Variants in PDE10A observed in about 807,000 individuals in gnomAD.
The protein encoded by PDE10A is phosphodiesterase 10A, also known as cAMP and cAMP-inhibited cGMP 3',5'-cyclic phosphodiesterase 10A.
PDE10A carries 39 observed loss-of-function variants against 97.7 expected under a neutral mutation model. That is an observed-to-expected ratio of 0.40 (90% CI 0.31 to 0.52). PDE10A has a LOEUF of 0.52. PDE10A is among the 20% of genes least tolerant of loss of function. PDE10A has a pLI of 0.56. For synonymous variants in PDE10A, 371 were observed against 376.8 expected, an observed-to-expected ratio of 0.98 and a Z score of 0.18; for missense variants, 731 against 1,047.8, an observed-to-expected ratio of 0.70 and a Z score of 4.17.
At chr6:165,370,048 C>T (rs936129590) in intron 18 of PDE10A, among the ~76,000 whole-genome samples, 6 of 152,030 alleles carry the variant, frequency 3.9e-5, no homozygotes, top group Admixed American at 2.0e-4. Context: ...CTGTTACCAC[C>T]AGGCCTGCCT....
chr6:165,808,103 C>T lies in PDE10A; in HGVS notation c.-615+179426G>A, dbSNP rs1779186649. On this transcript the variant is annotated intron_variant, in intron 1 of 19. Coordinates refer to the PDE10A transcript ENST00000366882. Reference sequence around the variant, plus strand: ...CTGCTTCTGTTTTCTCTTTCTCCTCCTTCCTTTGGAGTTGCATCGTGGGAC... The same window carrying T: ...CTGCTTCTGTTTTCTCTTTCTCCTCTTTCCTTTGGAGTTGCATCGTGGGAC... Among the ~76,000 whole-genome samples, 3 of 152,314 alleles carry T rather than the reference C, an allele frequency of 2.0e-5. No individual in the cohort carries two copies. The South Asian group carries it at 6.2e-4, about 32-fold the overall frequency.
intron 2 of PDE10A, among the ~76,000 whole-genome samples, chr6:165,500,950 TTAAC>T (rs1780838717): frequency 6.6e-6 from 1 of 152,032 alleles, no homozygotes; most frequent in African/African-American, 2.4e-5. Flanking sequence ...CACCTTTTCT[TTAAC>T]TTATTTATGA....
intron 1 of PDE10A, among the ~76,000 whole-genome samples, chr6:165,598,420 C>A (rs1334407921): frequency 6.6e-6 from 1 of 152,186 alleles, no homozygotes; most frequent in Non-Finnish European, 1.5e-5. Context: ...TTTAGCAAAA[C>A]TGTCTTTAAA....
At chr6:165,799,944 C>T (rs1778939847) in intron 1 of PDE10A, among the ~76,000 whole-genome samples, 1 of 152,154 alleles carries the variant, frequency 6.6e-6, no homozygotes, top group Non-Finnish European at 1.5e-5. Flanking sequence ...CTGCAGCTCC[C>T]CTGGGACGTC....
At chr6:165,922,235 G>A (rs75340726) in intron 1 of PDE10A, among the ~76,000 whole-genome samples, 8,133 of 152,228 alleles carry the variant, frequency 0.053, 264 homozygotes, top group Middle Eastern at 0.088. Context: ...ATCATTGAGT[G>A]AGTTTGGTCT....
intron 7 of PDE10A, among the ~76,000 whole-genome samples, chr6:165,432,569 A>G (rs1789673615): frequency 6.6e-6 from 1 of 152,176 alleles, no homozygotes; most frequent in African/African-American, 2.4e-5. Flanking sequence ...GAGCCTATTG[A>G]GTGAATAGTG....
chr6:165,595,191 C>A (rs372000465), intron 1 of PDE10A, among the ~76,000 whole-genome samples: 134 of 152,310 alleles, frequency 8.8e-4, no homozygotes, highest in African/African-American at 3.0e-3. Context: ...CCCTGCAGCT[C>A]ACCTGCCGTA....
chr6:165,716,056 C>G (rs1434434797), intron 1 of PDE10A, among the ~76,000 whole-genome samples: 2 of 152,166 alleles, frequency 1.3e-5, no homozygotes, highest in Admixed American at 6.5e-5. Context: ...CGGAGCTGTT[C>G]TGAGAGAAAG....
upstream of PDE10A, among the ~76,000 whole-genome samples, chr6:165,664,110 C>T (rs1258127227): frequency 1.3e-5 from 2 of 152,152 alleles, no homozygotes; most frequent in Non-Finnish European, 2.9e-5. Flanking sequence ...GTCACCTTCC[C>T]CGGAGTGGAG....
At chr6:165,436,985 T>C (rs1383961927) in intron 5 of PDE10A, among the ~76,000 whole-genome samples, 1 of 152,178 alleles carries the variant, frequency 6.6e-6, no homozygotes, top group African/African-American at 2.4e-5. Context: ...AAAATTGGAA[T>C]TGACAACGAT....
At chr6:165,761,601 G>A (rs2128458082) in intron 1 of PDE10A, among the ~76,000 whole-genome samples, 1 of 150,126 alleles carries the variant, frequency 6.7e-6, no homozygotes, top group African/African-American at 2.5e-5. Context: ...AATAAATATT[G>A]TAAAAATAAA....
intron 1 of PDE10A, chr6:165,780,234 C>T (rs530640327): frequency 2.0e-5 from 3 of 152,250 alleles, no homozygotes; most frequent in East Asian, 1.9e-4. Context: ...AAACAGAATA[C>T]TCTTTAATGT....
intron 1 of PDE10A, among the ~76,000 whole-genome samples, chr6:165,706,333 C>T (rs754003713): frequency 6.6e-6 from 1 of 152,166 alleles, no homozygotes; most frequent in Non-Finnish European, 1.5e-5. Context: ...ACGGTTTTGG[C>T]TTCCTAGATA....
At chr6:165,689,872 T>G (rs951097848) in intron 1 of PDE10A, among the ~76,000 whole-genome samples, 2 of 152,220 alleles carry the variant, frequency 1.3e-5, no homozygotes, top group Non-Finnish European at 2.9e-5. Flanking sequence ...AGAATGTTCA[T>G]ACCCTGATGC....
intron 2 of PDE10A, among the ~76,000 whole-genome samples, chr6:165,542,395 G>A (rs940132918): frequency 6.6e-5 from 10 of 151,876 alleles, no homozygotes; most frequent in South Asian, 2.1e-4. Flanking sequence ...TTCTTTATTC[G>A]TGAATATAAC....
intron 1 of PDE10A, among the ~76,000 whole-genome samples, chr6:165,676,454 G>T (rs192303085): frequency 6.6e-6 from 1 of 152,334 alleles, no homozygotes; most frequent in Non-Finnish European, 1.5e-5. Flanking sequence ...GACAGGTGCC[G>T]CAGAGGAAGA....
chr6:165,717,939 TG>T (rs1430281788), intron 1 of PDE10A, among the ~76,000 whole-genome samples: 2 of 152,218 alleles, frequency 1.3e-5, no homozygotes, highest in Non-Finnish European at 2.9e-5. Flanking sequence ...TCAGGATGTC[TG>T]GGGTTTTTTT....
At position 165,413,618 on chromosome 6, in the gene PDE10A, G is replaced by A. The variant is rs1265136154; in HGVS notation, c.1959C>T (p.Ser653=). The A allele has an allele frequency of 1.9e-6, 3 of 1,614,022 alleles. No individual in the cohort carries two copies. Among genetic ancestry groups the A allele is most frequent in the Non-Finnish European group, 1.7e-6 (2 of 1,179,930 alleles). The change falls in exon 13 of 22, where the codon AGC becomes AGT. Residue 653 remains serine, a synonymous_variant. Coordinates refer to ENST00000539869, the MANE Select transcript of PDE10A (RefSeq NM_001385079.1). The part of the protein sequence containing the change: ...ILCMPIVSRG[S]VIGVVQMVNK... ...TGACCATCTGCACCACACCTATCAC[G>A]CTGCCTCGGCTGACGATGGGCATGC...
At chr6:165,938,687 T>A (rs987255017) in intron 1 of PDE10A, among the ~76,000 whole-genome samples, 8 of 151,834 alleles carry the variant, frequency 5.3e-5, no homozygotes, top group African/African-American at 1.9e-4. Context: ...ACTCAAGAAA[T>A]AGATTTAAAG....
Sources: allele counts gnomAD v4.1 joint callset (sites outside exome capture counted in the v4.1 genomes callset), GRCh38; gene constraint gnomAD v4.1.1; transcripts MANE v1.5; gene names NCBI Gene and HGNC (gene_info 2026-07-23, HGNC 2026-07-21).